HEATR1: variants seen among roughly 807,000 people sequenced by gnomAD.
The protein encoded by HEATR1 is HEAT repeat containing 1.
HEATR1 carries 77 observed loss-of-function variants against 248.2 expected under a neutral mutation model. That is an observed-to-expected ratio of 0.31 (90% CI 0.26 to 0.37). The LOEUF (loss-of-function observed/expected upper bound fraction) is 0.37, where lower values mean the gene tolerates loss of function less well. Among genes scored for constraint, HEATR1 ranks in the 10% least tolerant of loss-of-function variants. The probability of loss-of-function intolerance (pLI) is 1.00; values close to 1 mark genes in which losing one functional copy is unlikely to be tolerated. For missense variants in HEATR1, 2,420 were observed against 2,504.9 expected (o/e 0.97, Z 0.72); for synonymous variants, 897 against 923.1 (o/e 0.97, Z 0.51).
intron 3 of HEATR1, among the ~76,000 whole-genome samples, chr1:236,600,392 A>C (rs1391933130): frequency 6.6e-6 from 1 of 151,794 alleles, no homozygotes; most frequent in Non-Finnish European, 1.5e-5. Flanking sequence ...CAGCCTCCCA[A>C]AGTGCTAGGA....
At position 236,581,411 on chromosome 1, in the gene HEATR1, G is replaced by C; in HGVS notation, c.2566C>G (p.His856Asp). Residue 856 changes from histidine to aspartate, a missense_variant, in exon 20 of 45, where the codon CAT becomes GAT. Coordinates refer to ENST00000366582, the MANE Select transcript of HEATR1 (RefSeq NM_018072.6). Reference sequence around the variant, plus strand: ...AATAACTGAAAAACATCTTCTAGATGCACCTAATTAAAAAAAAAAAAAAGC... The same window carrying C: ...AATAACTGAAAAACATCTTCTAGATCCACCTAATTAAAAAAAAAAAAAAGC... ...RVLMKLFIKV[H>D]LEDVFQLFKF... 1 of 1,443,516 alleles carries C rather than the reference G, an allele frequency of 6.9e-7. No homozygotes were observed. The highest frequency in any genetic ancestry group is 1.4e-5 in the South Asian group (1 of 69,536). The allele number at this position is 1,443,516 out of a possible 1,614,324, so 89.4% of individuals were successfully genotyped here. A position where few individuals can be genotyped will look rare whatever the true frequency, so the allele number is the denominator to read the frequency against.
At chr1:236,558,173 A>T in intron 36 of HEATR1, 64 bp downstream of exon 36, 1 of 1,497,470 alleles carries the variant, frequency 6.7e-7, no homozygotes, top group Non-Finnish European at 9.0e-7. Context: ...AAAGTCACCA[A>T]AGTGTTATTT....
intron 11 of HEATR1, 69 bp downstream of exon 11, chr1:236,591,924 T>C: frequency 1.1e-6 from 1 of 900,606 alleles, no homozygotes; most frequent in Non-Finnish European, 1.7e-6. Context: ...CAAATTTCCT[T>C]CTGGAGCTCT....
intron 44 of HEATR1, chr1:236,551,793 G>A (rs1025880123): frequency 1.9e-6 from 1 of 529,382 alleles, no homozygotes; most frequent in African/African-American, 1.9e-5. Flanking sequence ...ATCAGGAGGT[G>A]GTCACTTCGC....
At position 236,582,772 on chromosome 1, in the gene HEATR1, A is replaced by T. The variant is rs1390842077; in HGVS notation, c.2526T>A (p.Ala842=). 1 of 1,614,226 alleles carries T rather than the reference A, an allele frequency of 6.2e-7. No homozygotes were observed. The highest frequency in any genetic ancestry group is 1.7e-5 in the Admixed American group (1 of 60,030). The change falls in exon 19 of 45, where the codon GCT becomes GCA. Residue 842 remains alanine, a synonymous_variant. Coordinates refer to ENST00000366582, the MANE Select transcript of HEATR1 (RefSeq NM_018072.6). The stretch of plus-strand genomic sequence containing the variant: ...GTTTCATCAGAACTCTGAAATGAAC[A>T]GCATCGGCACCATTGAGCATCATCT... ...LFEMMLNGAD[A]VHFRVLMKLF...
At chr1:236,600,860 G>A (rs562327852) in intron 3 of HEATR1, among the ~76,000 whole-genome samples, 6 of 152,152 alleles carry the variant, frequency 3.9e-5, no homozygotes, top group African/African-American at 1.4e-4. Context: ...CGGTTTTAGC[G>A]GTTACTTTTT....
rs139462808 is a variant in HEATR1 at position 236,582,136 on chromosome 1, G to A, written c.2562+600C>T. 5.6e-3 allele frequency among the ~76,000 whole-genome samples: 850 copies of A among 151,862 alleles called. 11 individuals carry two copies. Among genetic ancestry groups the A allele is most frequent in the African/African-American group, 0.019 (784 of 41,390 alleles). On this transcript the variant is annotated intron_variant, in intron 19 of 44. Coordinates refer to ENST00000366582, the MANE Select transcript of HEATR1 (RefSeq NM_018072.6). ...ATTATTTTTTTTGAGATGGAGTCTC[G>A]CTCTGTCGCCCAGGCTGGAGTGCAG...
chr1:236,560,638 C>T (rs1663107785), intron 33 of HEATR1, among the ~76,000 whole-genome samples: 1 of 152,194 alleles, frequency 6.6e-6, no homozygotes, highest in Admixed American at 6.5e-5. Flanking sequence ...AGGACAGTGG[C>T]CCTGGGAATG....
intron 4 of HEATR1, among the ~76,000 whole-genome samples, chr1:236,598,343 A>G (rs1017741284): frequency 1.3e-5 from 2 of 152,210 alleles, no homozygotes; most frequent in African/African-American, 4.8e-5. Flanking sequence ...AACACTAAGA[A>G]CAGAAATAGA....
rs755803997 is a variant in HEATR1, at chr1:236,603,319, G to A, written c.200C>T (p.Ala67Val). The A allele has an allele frequency of 3.7e-6, 6 of 1,614,156 alleles. No homozygotes were observed. Among genetic ancestry groups the A allele is most frequent in the Non-Finnish European group, 5.1e-6 (6 of 1,180,024 alleles). Reference protein sequence around the residue: ...GIDPSFEQFEAPLFSQLAKTL... With the variant: ...GIDPSFEQFEVPLFSQLAKTL... ...TTTTGCTAGCTGACTGAACAACGGT[G>A]CTTCAAACTGCTCAAAGGAAGGATC... The change falls in exon 3 of 45, where the codon GCA becomes GTA. Residue 67 changes from alanine to valine, a missense_variant. Ala to Val is a moderately conservative substitution (Grantham distance 64). Coordinates refer to ENST00000366582, the MANE Select transcript of HEATR1 (RefSeq NM_018072.6).
Position 236,596,909 on chromosome 1 carries a change from A to G in HEATR1, c.671T>C (p.Ile224Thr). The change falls in exon 6 of 45, where the codon ATA (isoleucine) becomes ACA (threonine). Residue 224 changes from isoleucine to threonine, a missense_variant. Ile to Thr is a moderately conservative substitution (Grantham distance 89). Transcript: ENST00000366582. ...RVLLAFYAST[I>T]VSALVAAEDV... ...CTCTGCAGCTACCAGCGCCGACACT[A>G]TGGTAGAAGCATAGAAAGCCAAGAG... The G allele has an allele frequency of 6.2e-7, 1 of 1,614,036 alleles. No homozygotes were observed. Among genetic ancestry groups the G allele is most frequent in the South Asian group, 1.1e-5 (1 of 91,082 alleles).
intron 20 of HEATR1, among the ~76,000 whole-genome samples, chr1:236,577,263 T>C (rs1314764548): frequency 6.6e-6 from 1 of 152,108 alleles, no homozygotes; most frequent in Non-Finnish European, 1.5e-5. Flanking sequence ...GCAATTCTCC[T>C]GCCTCAGCCT....
chr1:236,555,690 A>G (rs1367751531), intron 39 of HEATR1, 35 bp from the exon 40 acceptor site: 1 of 1,609,316 alleles, frequency 6.2e-7, no homozygotes, highest in East Asian at 2.2e-5. Flanking sequence ...TAGAGTGCTG[A>G]TACCTGACTG....
At chr1:236,558,575 A>C in intron 35 of HEATR1, 46 bp from the exon 36 acceptor site, 1 of 1,547,672 alleles carries the variant, frequency 6.5e-7, no homozygotes. Context: ...GCTGCAAAAA[A>C]TGTTTGTCCA....
chr1:236,594,930 C>G (rs924876482), intron 8 of HEATR1, among the ~76,000 whole-genome samples: 2 of 152,146 alleles, frequency 1.3e-5, no homozygotes, highest in East Asian at 3.8e-4. Flanking sequence ...TCCCGAGCAG[C>G]TGGGACCACA....
At chr1:236,566,426 C>T (rs1054767602) in intron 30 of HEATR1, among the ~76,000 whole-genome samples, 8 of 79,230 alleles carry the variant, frequency 1.0e-4, no homozygotes, top group East Asian at 3.3e-4. Flanking sequence ...AAAGTTAATT[C>T]GCCTTCAGAT....
chr1:236,556,913 A>G (rs1413692081), intron 37 of HEATR1, among the ~76,000 whole-genome samples: 2 of 152,202 alleles, frequency 1.3e-5, no homozygotes, highest in African/African-American at 4.8e-5. Flanking sequence ...CCAACTCCAA[A>G]GATCTCACAG....
At position 236,571,348 on chromosome 1, in the gene HEATR1, T is replaced by C. The variant is rs1418496320; in HGVS notation, c.3948+3A>G. On this transcript the variant is annotated splice_donor_region_variant and intron_variant, in intron 28 of 44. Transcript: ENST00000366582. ...GCTAAAATCTTATATCATTAACGCT[T>C]ACCGGAAATATTCCAGCAACAGTGC... 6.3e-7 allele frequency: 1 copy of C among 1,589,422 alleles called. No homozygotes were observed. The highest frequency in any genetic ancestry group is 1.2e-5 in the South Asian group (1 of 85,980).
At chr1:236,563,283 T>A (rs1304492001) in intron 32 of HEATR1, among the ~76,000 whole-genome samples, 1 of 152,060 alleles carries the variant, frequency 6.6e-6, no homozygotes, top group Non-Finnish European at 1.5e-5. Flanking sequence ...TTTTTTTTAT[T>A]TTTTTTATTT....
Sources: allele counts gnomAD v4.1 joint callset (sites outside exome capture counted in the v4.1 genomes callset), GRCh38; gene constraint gnomAD v4.1.1; transcripts MANE v1.5; gene names NCBI Gene and HGNC (gene_info 2026-07-23, HGNC 2026-07-21).